The following SLC25A18 variants were observed in gnomAD, a reference collection of about 807,000 sequenced individuals.
SLC25A18 encodes solute carrier family 25 member 18.
Under a neutral mutation model 31.1 loss-of-function variants are expected in SLC25A18, and 24 were observed. The ratio of observed to expected loss-of-function variants is 0.77; its 90% CI spans 0.56 to 1.08. The LOEUF (loss-of-function observed/expected upper bound fraction) is 1.08, where lower values mean the gene tolerates loss of function less well. Ranked by LOEUF, SLC25A18 falls within the 50% of genes least tolerant of loss-of-function variation. The pLI is 0.00. For synonymous variants in SLC25A18, 173 were observed against 161.9 expected (o/e 1.07, Z -0.52); for missense variants, 371 against 418.5 (o/e 0.89, Z 0.99).
intron 1 of SLC25A18, among the ~76,000 whole-genome samples, chr22:17,567,329 T>C (rs549376516): frequency 7.7e-4 from 117 of 152,286 alleles, no homozygotes; most frequent in Middle Eastern, 3.4e-3. Flanking sequence ...AGCAGTAAAC[T>C]AAGATTCAAA....
chr22:17,581,340 T>C lies in SLC25A18; in HGVS notation c.144-18T>C, dbSNP rs774499974. ...AGGCCCGCTGCACACTTACTCCTAC[T>C]CTGGCCTCTGCTTCCAGGATCGACT... On this transcript the variant is annotated intron_variant, in intron 4 of 10. Transcript: ENST00000327451. The C allele has an allele frequency of 4.3e-6, 7 of 1,613,936 alleles. No homozygotes were observed. The South Asian group carries it at 6.6e-5, about 15-fold the overall frequency.
chr22:17,581,070 A>C lies in SLC25A18; in HGVS notation c.54A>C (p.Ala18=). Residue 18 remains alanine (A), a synonymous_variant, in exon 4 of 11, where the codon GCA becomes GCC. Coordinates refer to ENST00000327451, the MANE Select transcript of SLC25A18 (RefSeq NM_031481.3). ...ITAKLINGGV[A]GLVGVTCVFP... is the part of the protein sequence containing the mutation. ...CCAAACTCATCAATGGAGGTGTAGCAGGGCTCGTGGGGGTGACCTGCGTGT... is the reference window on the plus strand; with the variant it reads ...CCAAACTCATCAATGGAGGTGTAGCCGGGCTCGTGGGGGTGACCTGCGTGT... 2.6e-6 allele frequency: 4 copies of C among 1,558,262 alleles called. No individual in the cohort carries two copies. The highest frequency in any genetic ancestry group is 3.5e-6 in the Non-Finnish European group (4 of 1,150,034).
At chr22:17,589,566 TA>T (rs774074316) in intron 9 of SLC25A18, 23 bp from the exon 10 acceptor site, 6 of 1,607,544 alleles carry the variant, frequency 3.7e-6, no homozygotes, top group Non-Finnish European at 4.3e-6. Context: ...GTTCACTACT[TA>T]CTTTAACTTT....
Position 17,570,266 on chromosome 22 carries a change from AC to A in SLC25A18, c.-201+283del, listed in dbSNP as rs990224454. The A allele has an allele frequency of 9.2e-5, 14 of 152,406 alleles. 1 individual carries two copies. The highest frequency in any genetic ancestry group is 3.9e-4 in the Admixed American group (6 of 15,276). The allele number at this position is 152,406 out of a possible 1,614,324, so 9.4% of individuals were successfully genotyped here. A position where few individuals can be genotyped will look rare whatever the true frequency, so the allele number is the denominator to read the frequency against. On this transcript the variant is annotated intron_variant, in intron 2 of 10. Transcript: ENST00000327451. ...GAGGGGCTCATTCCTGGGAACACTCACCCTTGCTCTGCTAATAAGAGGAAGT... is the reference window on the plus strand; with the variant it reads ...GAGGGGCTCATTCCTGGGAACACTCACCTTGCTCTGCTAATAAGAGGAAGT...
rs695292 is a variant in SLC25A18 at position 17,564,857 on chromosome 22, C to CAAA, written c.-264+1154_-264+1156dup. Among the ~76,000 whole-genome samples the CAAA allele has an allele frequency of 8.9e-5, 10 of 112,360 alleles. 1 individual carries two copies. The highest frequency in any genetic ancestry group is 2.0e-4 in the African/African-American group (6 of 29,910). 73.7% of individuals were successfully genotyped at this position (112,360 alleles called of 152,430 possible). On this transcript the variant is annotated intron_variant, in intron 1 of 10. Coordinates refer to ENST00000327451, the MANE Select transcript of SLC25A18 (RefSeq NM_031481.3). ...GGGGGACAGAGCAAGACTCTGTCTC[C>CAAA]AAAAAAAAAAAATCAGGCCCAGGCA...
chr22:17,576,439 C>T (rs2057232384), intron 2 of SLC25A18, among the ~76,000 whole-genome samples: 1 of 152,196 alleles, frequency 6.6e-6, no homozygotes. Flanking sequence ...CAAGGCCTTG[C>T]TTTGTTCCCC....
At chr22:17,565,746 A>T (rs750955883) in intron 1 of SLC25A18, among the ~76,000 whole-genome samples, 3 of 152,136 alleles carry the variant, frequency 2.0e-5, no homozygotes, top group Non-Finnish European at 2.9e-5. Context: ...GCATGCCTGT[A>T]ATCCCAGCTT....
intron 3 of SLC25A18, chr22:17,580,770 C>A: frequency 1.6e-6 from 2 of 1,220,154 alleles, no homozygotes; most frequent in Non-Finnish European, 2.0e-6. Flanking sequence ...GGTGGCGGCC[C>A]ATGGGGGCAG....
rs1209329928 is a variant in SLC25A18, at chr22:17,586,954, T to A, written c.410-182T>A. The stretch of plus-strand genomic sequence containing the variant: ...ATAGCTCCTGAGATACTGTAGACCT[T>A]AGGAAGACGTCCTCAGAGCCAAAAA... On this transcript the variant is annotated intron_variant, in intron 7 of 10. Coordinates refer to ENST00000327451, the MANE Select transcript of SLC25A18 (RefSeq NM_031481.3). 4.6e-5 allele frequency among the ~76,000 whole-genome samples: 7 copies of A among 152,250 alleles called. No homozygotes were observed. The South Asian group carries it at 1.5e-3, about 32-fold the overall frequency.
intron 2 of SLC25A18, among the ~76,000 whole-genome samples, chr22:17,572,511 C>G (rs1337139281): frequency 6.7e-6 from 1 of 148,886 alleles, no homozygotes; most frequent in East Asian, 2.0e-4. Flanking sequence ...AATCACTTTT[C>G]CACTGGGTGT....
intron 10 of SLC25A18, 113 bp downstream of exon 10, chr22:17,589,778 AGTCT>A: frequency 9.7e-7 from 1 of 1,031,588 alleles, no homozygotes; most frequent in Non-Finnish European, 1.5e-6. Context: ...GTTTCTTTGA[AGTCT>A]GTCTTTCCCT....
intron 5 of SLC25A18, 99 bp from the exon 6 acceptor site, chr22:17,582,464 C>T: frequency 1.0e-6 from 1 of 961,270 alleles, no homozygotes; most frequent in Non-Finnish European, 1.5e-6. Context: ...CAAAAATGCC[C>T]TTCACTCAGG....
intron 1 of SLC25A18, among the ~76,000 whole-genome samples, chr22:17,565,399 TAGA>T (rs2056910298): frequency 6.6e-6 from 1 of 151,940 alleles, no homozygotes; most frequent in Admixed American, 6.6e-5. Context: ...TATTTTTTAA[TAGA>T]GATAGGGTCT....
At chr22:17,576,724 C>T (rs1197368874) in intron 2 of SLC25A18, among the ~76,000 whole-genome samples, 3 of 152,148 alleles carry the variant, frequency 2.0e-5, no homozygotes, top group Admixed American at 1.3e-4. Flanking sequence ...AGGGAACTTC[C>T]GGGGCTGGAA....
intron 6 of SLC25A18, among the ~76,000 whole-genome samples, chr22:17,583,199 G>C (rs531720261): frequency 6.6e-6 from 1 of 152,350 alleles, no homozygotes; most frequent in South Asian, 2.1e-4. Flanking sequence ...ACTGTTTTCA[G>C]CTTCCATGCG....
chr22:17,577,726 G>T (rs973627528), intron 2 of SLC25A18, among the ~76,000 whole-genome samples: 2 of 148,398 alleles, frequency 1.3e-5, no homozygotes, highest in Non-Finnish European at 3.0e-5. Context: ...GACTACATGC[G>T]CACACCACCA....
At chr22:17,569,610 A>C in intron 1 of SLC25A18, 12 of 985,326 alleles carry the variant, frequency 1.2e-5, no homozygotes, top group Non-Finnish European at 1.4e-5. Flanking sequence ...CAGGTCTCTG[A>C]GTGGGCGGTG....
rs1223216942 is a variant in SLC25A18 at position 17,574,829 on chromosome 22, C to CTTT, written c.-201+4844_-201+4846dup. Among the ~76,000 whole-genome samples the CTTT allele has an allele frequency of 5.7e-5, 4 of 70,526 alleles. 1 individual carries two copies. The highest frequency in any genetic ancestry group is 3.7e-4 in the African/African-American group (4 of 10,860). The allele number at this position is 70,526 out of a possible 152,430, so 46.3% of individuals were successfully genotyped here. ...AGCCACTGTGCCTGGCCAATGTTCC[C>CTTT]TTTATTATTATTATTATTATTATTT... On this transcript the variant is annotated intron_variant, in intron 2 of 10. Coordinates refer to ENST00000327451, the MANE Select transcript of SLC25A18 (RefSeq NM_031481.3).
chr22:17,573,928 T>C (rs1434700124), intron 2 of SLC25A18, among the ~76,000 whole-genome samples: 1 of 152,192 alleles, frequency 6.6e-6, no homozygotes, highest in Non-Finnish European at 1.5e-5. Flanking sequence ...CTACATTCAA[T>C]GTGGTATTTT....
Sources: gnomAD v4.1 joint callset for allele counts (sites outside exome capture counted in the v4.1 genomes callset) on GRCh38, gnomAD v4.1.1 for gene constraint, MANE v1.5 for transcripts, NCBI Gene and HGNC (gene_info 2026-07-23, HGNC 2026-07-21) for gene names.